Variants in DYNC1I1 observed in about 807,000 individuals in gnomAD.
DYNC1I1 encodes the protein dynein cytoplasmic 1 intermediate chain 1, also known as cytoplasmic dynein 1 intermediate chain 1.
DYNC1I1 carries 43 observed loss-of-function variants against 86.6 expected under a neutral mutation model. The ratio of observed to expected loss-of-function variants is 0.50; its 90% CI spans 0.39 to 0.64. The LOEUF (loss-of-function observed/expected upper bound fraction) is 0.64. Ranked by LOEUF, DYNC1I1 falls within the 30% of genes least tolerant of loss-of-function variation. The pLI, the probability that DYNC1I1 is intolerant of heterozygous loss-of-function variation, is 0.00. For missense variants in DYNC1I1, 604 were observed against 788.8 expected (o/e 0.77, Z 2.81); for synonymous variants, 262 against 283.7 (o/e 0.92, Z 0.77).
At chr7:96,100,902 C>T (rs1028933620), downstream of DYNC1I1, among the ~76,000 whole-genome samples, 2 of 152,094 alleles carry the variant, frequency 1.3e-5, no homozygotes, top group African/African-American at 4.8e-5. Flanking sequence ...GGTTATGTTA[C>T]ATAGGAACAC....
intron 6 of DYNC1I1, among the ~76,000 whole-genome samples, chr7:95,965,804 C>T (rs2116523292): frequency 6.6e-6 from 1 of 152,244 alleles, no homozygotes. Flanking sequence ...ACTGAGGAAT[C>T]AACCCAAAAT....
exon 17 of DYNC1I1, chr7:96,109,991 T>C (rs995853003): frequency 2.6e-6 from 1 of 388,538 alleles, no homozygotes; most frequent in African/African-American, 2.2e-5. Flanking sequence ...TCTTGCTATG[T>C]TGCCAGGCTG....
intron 6 of DYNC1I1, among the ~76,000 whole-genome samples, chr7:95,873,349 G>T (rs1479749948): frequency 6.6e-6 from 1 of 152,148 alleles, no homozygotes; most frequent in Non-Finnish European, 1.5e-5. Flanking sequence ...TAATTTCCAA[G>T]TAGTATAGCC....
chr7:95,842,413 G>T lies in DYNC1I1; in HGVS notation c.374+14297G>T, dbSNP rs531605512. Among the ~76,000 whole-genome samples, 197 of 152,242 alleles carry T rather than the reference G, an allele frequency of 1.3e-3. 1 individual carries two copies. Among genetic ancestry groups the T allele is most frequent in the African/African-American group, 4.4e-3 (183 of 41,542 alleles). ...GGAAAGTAAACAGTTCCAGGTGCGG[G>T]GGCTTTAAGACTATTACAAGGTGAT... On this transcript the variant is annotated intron_variant, in intron 5 of 16. Coordinates refer to ENST00000447467, the MANE Select transcript of DYNC1I1 (RefSeq NM_001135556.2).
chr7:95,866,036 A>G (rs1790009442), intron 5 of DYNC1I1, among the ~76,000 whole-genome samples: 1 of 152,196 alleles, frequency 6.6e-6, no homozygotes, highest in African/African-American at 2.4e-5. Flanking sequence ...CTGAGGAACC[A>G]GCATAGAGTC....
At chr7:95,988,769 T>C (rs1793658691) in intron 9 of DYNC1I1, among the ~76,000 whole-genome samples, 1 of 152,206 alleles carries the variant, frequency 6.6e-6, no homozygotes, top group Non-Finnish European at 1.5e-5. Flanking sequence ...AGCTAGCTTT[T>C]AATTTATTTT....
chr7:95,871,337 G>A (rs1790162000), intron 6 of DYNC1I1, among the ~76,000 whole-genome samples: 1 of 152,102 alleles, frequency 6.6e-6, no homozygotes, highest in Non-Finnish European at 1.5e-5. Context: ...TAACGTGGCT[G>A]AAAATACAGT....
At chr7:95,932,859 CTATCTT>C (rs779892335) in intron 6 of DYNC1I1, among the ~76,000 whole-genome samples, 90 of 149,208 alleles carry the variant, frequency 6.0e-4, no homozygotes, top group Non-Finnish European at 1.0e-3. Flanking sequence ...GTTTGTCAGA[CTATCTT>C]TATTTATTTT....
intron 5 of DYNC1I1, among the ~76,000 whole-genome samples, chr7:95,866,290 A>G (rs1267620806): frequency 6.6e-6 from 1 of 152,190 alleles, no homozygotes; most frequent in Non-Finnish European, 1.5e-5. Flanking sequence ...CTACTTCTCA[A>G]TAATTCTTTC....
At chr7:95,906,385 C>A (rs1051168126) in intron 6 of DYNC1I1, among the ~76,000 whole-genome samples, 9 of 152,304 alleles carry the variant, frequency 5.9e-5, no homozygotes, top group Admixed American at 5.9e-4. Flanking sequence ...TGTAAAGGGT[C>A]TCAATCACTT....
intron 6 of DYNC1I1, among the ~76,000 whole-genome samples, chr7:95,890,595 TA>T (rs1284670641): frequency 2.6e-5 from 4 of 152,144 alleles, no homozygotes; most frequent in Non-Finnish European, 5.9e-5. Flanking sequence ...AATAAAAGTT[TA>T]AAAAATAAAT....
intron 6 of DYNC1I1, among the ~76,000 whole-genome samples, chr7:95,875,438 C>G (rs1790285382): frequency 6.6e-6 from 1 of 152,162 alleles, no homozygotes; most frequent in Non-Finnish European, 1.5e-5. Flanking sequence ...TATAATACCA[C>G]TAGTTGACAT....
rs1191895915 is a variant in DYNC1I1 at position 96,061,708 on chromosome 7, T to A, written c.1510-14349T>A. Among the ~76,000 whole-genome samples the A allele has an allele frequency of 7.9e-4, 101 of 127,802 alleles. 1 individual carries two copies. The highest frequency in any genetic ancestry group is 3.1e-3 in the African/African-American group (90 of 29,478). The allele number at this position is 127,802 out of a possible 152,430, so 83.8% of individuals were successfully genotyped here. On this transcript the variant is annotated intron_variant, in intron 14 of 16. Coordinates refer to ENST00000447467, the MANE Select transcript of DYNC1I1 (RefSeq NM_001135556.2). ...CTCCCTCCCTCCCTCTCTCTCTCTC[T>A]CTCTCACACACACACACACACACAC...
intron 9 of DYNC1I1, among the ~76,000 whole-genome samples, chr7:95,995,573 C>G (rs1793846048): frequency 6.6e-6 from 1 of 152,044 alleles, no homozygotes; most frequent in African/African-American, 2.4e-5. Flanking sequence ...AATAGCCCTC[C>G]TTGGAATTTA....
intron 1 of DYNC1I1, among the ~76,000 whole-genome samples, chr7:95,791,139 T>A (rs530216340): frequency 6.6e-6 from 1 of 152,352 alleles, no homozygotes; most frequent in South Asian, 2.1e-4. Context: ...AAATAATATT[T>A]AAATTTATTA....
At chr7:96,059,714 G>A (rs774984284) in intron 14 of DYNC1I1, among the ~76,000 whole-genome samples, 3 of 152,146 alleles carry the variant, frequency 2.0e-5, no homozygotes, top group African/African-American at 4.8e-5. Context: ...TAATAGATAC[G>A]AATCTTCAAA....
At position 95,936,956 on chromosome 7, in the gene DYNC1I1, T is replaced by TCTCACACACA. The variant is rs750834189; in HGVS notation, c.491-40555_491-40554insTCACACACAC. Among the ~76,000 whole-genome samples, 1,011 of 134,260 alleles carry TCTCACACACA rather than the reference T, an allele frequency of 7.5e-3. 4 individuals carry two copies. The highest frequency in any genetic ancestry group is 0.024 in the African/African-American group (857 of 36,238). 88.1% of individuals were successfully genotyped at this position (134,260 alleles called of 152,430 possible). ...CAAAGGAATGGATAAAGAATATGTCTCACACACACACACACACACACACAC... is the reference window on the plus strand; with the variant it reads ...CAAAGGAATGGATAAAGAATATGTCTCTCACACACACACACACACACACACACACACACAC... On this transcript the variant is annotated intron_variant, in intron 6 of 16. Coordinates refer to ENST00000447467, the MANE Select transcript of DYNC1I1 (RefSeq NM_001135556.2).
intron 6 of DYNC1I1, among the ~76,000 whole-genome samples, chr7:95,937,788 C>T (rs1200915648): frequency 1.3e-5 from 2 of 151,892 alleles, no homozygotes; most frequent in Admixed American, 6.6e-5. Context: ...AATGACAATC[C>T]ATTTTTAATG....
intron 15 of DYNC1I1, among the ~76,000 whole-genome samples, chr7:96,079,951 C>A (rs1295685897): frequency 6.6e-6 from 1 of 152,092 alleles, no homozygotes; most frequent in Non-Finnish European, 1.5e-5. Context: ...CACCTGCTTT[C>A]TGCCTTTTTA....
Sources: allele counts gnomAD v4.1 joint callset (sites outside exome capture counted in the v4.1 genomes callset), GRCh38; gene constraint gnomAD v4.1.1; transcripts MANE v1.5; gene names NCBI Gene and HGNC (gene_info 2026-07-23, HGNC 2026-07-21).